Variants in TFB1M observed in about 807,000 individuals in gnomAD.
TFB1M encodes transcription factor B1, mitochondrial, also known as dimethyladenosine transferase 1, mitochondrial.
In TFB1M, 27 loss-of-function variants were observed where a neutral mutation model predicts 31.1. That is an observed-to-expected ratio of 0.87 (90% CI 0.64 to 1.20). TFB1M has a LOEUF of 1.20. Ranked by LOEUF, TFB1M falls within the 50% of genes most tolerant of loss-of-function variation. TFB1M has a pLI of 0.00. For synonymous variants in TFB1M, 166 were observed against 151.8 expected (o/e 1.09, Z -0.69); for missense variants, 394 against 418.7 (o/e 0.94, Z 0.51).
intron 4 of TFB1M, among the ~76,000 whole-genome samples, chr6:155,293,701 A>G (rs979610371): frequency 1.1e-4 from 16 of 152,046 alleles, no homozygotes; most frequent in African/African-American, 3.9e-4. Context: ...AGTTATTTTT[A>G]TATATGTCTC....
At chr6:155,266,106 C>T (rs997044922) in intron 5 of TFB1M, among the ~76,000 whole-genome samples, 4 of 152,130 alleles carry the variant, frequency 2.6e-5, no homozygotes, top group Non-Finnish European at 5.9e-5. Context: ...TCTCCTTTGA[C>T]AACACCCTCA....
At chr6:155,297,956 C>T (rs538034460) in intron 3 of TFB1M, among the ~76,000 whole-genome samples, 25 of 152,296 alleles carry the variant, frequency 1.6e-4, no homozygotes, top group African/African-American at 5.8e-4. Context: ...GCACCTAAGC[C>T]CTCCTCCGTT....
chr6:155,239,750 T>TGGCTCC, the TFB1M span, among the ~76,000 whole-genome samples: 1 of 152,166 alleles, frequency 6.6e-6, no homozygotes, highest in Non-Finnish European at 1.5e-5. Flanking sequence ...GGCCTGGCCC[T>TGGCTCC]GGCTCCCTGC....
intron 2 of TFB1M, chr6:155,299,656 CT>C (rs1261007234): frequency 6.6e-6 from 1 of 152,158 alleles, no homozygotes; most frequent in Non-Finnish European, 1.5e-5. Flanking sequence ...GTGCCCAGCA[CT>C]TTATAGGGAT....
At chr6:155,231,419 A>T in the TFB1M span, among the ~76,000 whole-genome samples, 1 of 152,170 alleles carries the variant, frequency 6.6e-6, no homozygotes, top group African/African-American at 2.4e-5. Context: ...ATTTCATACA[A>T]TTTCCCTGGA....
At chr6:155,308,244 A>G (rs162987) in intron 2 of TFB1M, among the ~76,000 whole-genome samples, 2,894 of 152,274 alleles carry the variant, frequency 0.019, 74 homozygotes, top group African/African-American at 0.05. Flanking sequence ...TAGGTGTCCA[A>G]TGCAAGTTTG....
At chr6:155,234,234 C>T in the TFB1M span, among the ~76,000 whole-genome samples, 4 of 152,132 alleles carry the variant, frequency 2.6e-5, no homozygotes, top group Non-Finnish European at 4.4e-5. Context: ...TCTGCATATG[C>T]ACATCCTGTT....
At chr6:155,266,752 C>T (rs1784651765) in intron 5 of TFB1M, among the ~76,000 whole-genome samples, 1 of 143,694 alleles carries the variant, frequency 7.0e-6, no homozygotes, top group African/African-American at 2.6e-5. Context: ...GAGGCTGAGG[C>T]AGGAGAATGG....
At position 155,257,093 on chromosome 6, in the gene TFB1M, A is replaced by G. The variant is rs975544723; in HGVS notation, c.*743T>C. On this transcript the variant is annotated 3_prime_UTR_variant, in exon 7 of 7. Transcript: ENST00000367166. ...TCTGTTGTCAGTGAGGAGTGTTTTT[A>G]TGAAACAGAGAGCCACGGAAAATCA... 1 of 1,612,466 alleles carries G rather than the reference A, an allele frequency of 6.2e-7. No individual in the cohort carries two copies.
At chr6:155,271,269 A>C (rs994818806) in intron 5 of TFB1M, among the ~76,000 whole-genome samples, 1 of 152,186 alleles carries the variant, frequency 6.6e-6, no homozygotes, top group African/African-American at 2.4e-5. Context: ...GGAAGAAAAA[A>C]ATGAGAACCC....
At chr6:155,262,995 C>T (rs1784460959) in intron 5 of TFB1M, among the ~76,000 whole-genome samples, 1 of 152,200 alleles carries the variant, frequency 6.6e-6, no homozygotes, top group Admixed American at 6.5e-5. Flanking sequence ...GAATTCCCCT[C>T]ACAAATGCAG....
At chr6:155,242,246 C>T in the TFB1M span, among the ~76,000 whole-genome samples, 1 of 152,256 alleles carries the variant, frequency 6.6e-6, no homozygotes, top group Admixed American at 6.5e-5. Flanking sequence ...GGCCCCAACA[C>T]CCTCGGACAA....
At position 155,283,062 on chromosome 6, in the gene TFB1M, A is replaced by C. The variant is rs548204923; in HGVS notation, c.666+2096T>G. ...AATTTTTAAAACATTTGCTCAATGT[A>C]ACTGTCAGCAAAATATTTTCTGGCT... On this transcript the variant is annotated intron_variant, in intron 5 of 6. Coordinates refer to ENST00000367166, the MANE Select transcript of TFB1M (RefSeq NM_016020.4). Among the ~76,000 whole-genome samples the C allele has an allele frequency of 5.9e-5, 9 of 152,322 alleles. No individual in the cohort carries two copies. In the East Asian group the frequency reaches 1.5e-3, roughly 26 times the overall value.
the TFB1M span, among the ~76,000 whole-genome samples, chr6:155,237,126 G>A: frequency 1.3e-5 from 2 of 152,230 alleles, no homozygotes; most frequent in African/African-American, 2.4e-5. Context: ...GGGGGTACAG[G>A]CATTGGGTAA....
At chr6:155,244,250 C>A in the TFB1M span, among the ~76,000 whole-genome samples, 7 of 152,192 alleles carry the variant, frequency 4.6e-5, no homozygotes, top group Non-Finnish European at 1.0e-4. Flanking sequence ...GCTGTGGCCT[C>A]GGCTGCATGA....
intron 5 of TFB1M, among the ~76,000 whole-genome samples, chr6:155,284,243 T>G (rs971580785): frequency 4.6e-5 from 7 of 152,252 alleles, no homozygotes; most frequent in African/African-American, 1.7e-4. Context: ...GGTTAGGGTC[T>G]CCATTCTAAA....
Position 155,257,180 on chromosome 6 carries a change from G to C in TFB1M, c.*656C>G. The C allele has an allele frequency of 1.2e-6, 1 of 845,272 alleles. No individual in the cohort carries two copies. The highest frequency in any genetic ancestry group is 1.6e-5 in the South Asian group (1 of 63,170). 52.4% of individuals were successfully genotyped at this position (845,272 alleles called of 1,614,324 possible). On this transcript the variant is annotated 3_prime_UTR_variant, in exon 7 of 7. Coordinates refer to ENST00000367166, the MANE Select transcript of TFB1M (RefSeq NM_016020.4). ...ATTTTACTTTTAAACTGGTGGTAAAGTGGAAATTGCAAAAAAAAAAAAAAA... is the reference window on the plus strand; with the variant it reads ...ATTTTACTTTTAAACTGGTGGTAAACTGGAAATTGCAAAAAAAAAAAAAAA...
intron 2 of TFB1M, among the ~76,000 whole-genome samples, chr6:155,308,555 G>A (rs918125273): frequency 1.3e-5 from 2 of 152,200 alleles, no homozygotes; most frequent in African/African-American, 4.8e-5. Flanking sequence ...AGTAGAATCT[G>A]AAGTTAAACC....
chr6:155,252,177 T>C (rs1452880225), downstream of TFB1M, among the ~76,000 whole-genome samples: 1 of 152,146 alleles, frequency 6.6e-6, no homozygotes, highest in Non-Finnish European at 1.5e-5. Flanking sequence ...CCATGAAAGA[T>C]GTCTGTTTTA....
Sources: allele counts gnomAD v4.1 joint callset (sites outside exome capture counted in the v4.1 genomes callset), GRCh38; gene constraint gnomAD v4.1.1; transcripts MANE v1.5; gene names NCBI Gene and HGNC (gene_info 2026-07-23, HGNC 2026-07-21).